CHIA: variants seen among roughly 807,000 people sequenced by gnomAD.
The protein encoded by CHIA is chitinase acidic.
A neutral mutation model predicts 53.5 loss-of-function variants in CHIA; 47 were observed. The observed-to-expected ratio is 0.88, with a 90% CI of 0.70 to 1.12. The LOEUF (loss-of-function observed/expected upper bound fraction) is 1.12. Ranked by LOEUF, CHIA falls within the 50% of genes most tolerant of loss-of-function variation. CHIA has a pLI of 0.00. For missense variants in CHIA, 652 were observed against 592.2 expected (o/e 1.10, Z -1.05); for synonymous variants, 268 against 222.2 (o/e 1.21, Z -1.83).
At chr1:111,301,036 T>C (rs1459566880) in intron 1 of CHIA, among the ~76,000 whole-genome samples, 2 of 152,124 alleles carry the variant, frequency 1.3e-5, no homozygotes, top group African/African-American at 4.8e-5. Flanking sequence ...TGAGATACTA[T>C]CTCATGCCAG....
At chr1:111,311,402 A>C (rs1363151909) in intron 2 of CHIA, among the ~76,000 whole-genome samples, 1 of 152,222 alleles carries the variant, frequency 6.6e-6, no homozygotes, top group Non-Finnish European at 1.5e-5. Flanking sequence ...TCAGTTGGTG[A>C]TTTCAGTAAG....
chr1:111,294,252 A>G lies in CHIA; in HGVS notation c.-69+3302A>G, dbSNP rs191788862. Among the ~76,000 whole-genome samples, 149 of 152,298 alleles carry G rather than the reference A, an allele frequency of 9.8e-4. 1 individual carries two copies. The highest frequency in any genetic ancestry group is 1.8e-4 in the Non-Finnish European group (12 of 68,022). On this transcript the variant is annotated intron_variant, in intron 1 of 11. Transcript: ENST00000369740. ...TTTCTTTATTTGAACAGCAGGCTAT[A>G]GTTTTCATTGTACAAGTCTTTCACT...
At position 111,320,286 on chromosome 1, in the gene CHIA, T is replaced by A. The variant is rs1649552387; in HGVS notation, c.1251T>A (p.Ser417Arg). ...APSGSGNGSG[S>R]SSSGGSSGGS... is the part of the protein sequence containing the mutation. ...GTGGCAGCGGGAACGGGAGCGGGAGTAGCAGCTCTGGAGGCAGCTCGGGAG... is the reference window on the plus strand; with the variant it reads ...GTGGCAGCGGGAACGGGAGCGGGAGAAGCAGCTCTGGAGGCAGCTCGGGAG... The change falls in exon 12 of 12, where the codon AGT (serine) becomes AGA (arginine). Residue 417 changes from serine to arginine, a missense_variant. Physicochemically the swap from Ser to Arg is moderately radical, Grantham distance 110. Coordinates refer to ENST00000369740, the MANE Select transcript of CHIA (RefSeq NM_201653.4). 2.5e-6 allele frequency: 4 copies of A among 1,613,900 alleles called. No homozygotes were observed. Among genetic ancestry groups the A allele is most frequent in the African/African-American group, 1.3e-5 (1 of 74,910 alleles).
chr1:111,304,093 G>T (rs1190654346), intron 1 of CHIA, among the ~76,000 whole-genome samples: 1 of 152,142 alleles, frequency 6.6e-6, no homozygotes, highest in Non-Finnish European at 1.5e-5. Flanking sequence ...TTTCTGATGA[G>T]AGATCTGCTG....
intron 1 of CHIA, among the ~76,000 whole-genome samples, chr1:111,300,628 C>T (rs577005052): frequency 6.6e-6 from 1 of 152,024 alleles, no homozygotes; most frequent in African/African-American, 2.4e-5. Flanking sequence ...CCATAAAAAC[C>T]CTAGAGGAAA....
rs893823177 is a variant in CHIA at position 111,317,699 on chromosome 1, G to C, written c.499G>C (p.Glu167Gln). The change falls in exon 7 of 12, where the codon GAG becomes CAG. Residue 167 changes from glutamate (E) to glutamine (Q), a missense_variant. Glu to Gln is a conservative substitution (Grantham distance 29). Transcript: ENST00000369740. ...VLVQEMREAFEQEAKQINKPR... is the reference protein window; with the variant it reads ...VLVQEMREAFQQEAKQINKPR... The stretch of plus-strand genomic sequence containing the variant: ...TCTGTAGGAAATGCGTGAAGCTTTT[G>C]AGCAGGAGGCCAAGCAGATCAACAA... 7.4e-6 allele frequency: 12 copies of C among 1,614,008 alleles called. No individual in the cohort carries two copies. Among genetic ancestry groups the C allele is most frequent in the Non-Finnish European group, 1.0e-5 (12 of 1,180,016 alleles).
At chr1:111,306,324 G>C (rs773210352) in intron 1 of CHIA, among the ~76,000 whole-genome samples, 1 of 152,178 alleles carries the variant, frequency 6.6e-6, no homozygotes, top group Non-Finnish European at 1.5e-5. Context: ...ACAGGTCTGA[G>C]GAGTGGTAGA....
In CHIA at chr1:111,312,337, C is replaced by T. The variant is rs1209442186; in HGVS notation, c.203C>T (p.Thr68Ile). The T allele has an allele frequency of 6.2e-7, 1 of 1,614,002 alleles. No individual in the cohort carries two copies. Among genetic ancestry groups the T allele is most frequent in the African/African-American group, 1.3e-5 (1 of 74,914 alleles). The change falls in exon 4 of 12, where the codon ACC becomes ATC. Residue 68 changes from threonine to isoleucine, a missense_variant. Coordinates refer to ENST00000369740, the MANE Select transcript of CHIA (RefSeq NM_201653.4). ...GGGAGGCAGAACAACGAGATCACCACCATCGAATGGAATGATGTGACTCTC... is the reference window on the plus strand; with the variant it reads ...GGGAGGCAGAACAACGAGATCACCATCATCGAATGGAATGATGTGACTCTC... ...FAGRQNNEITTIEWNDVTLYQ... is the reference protein window; with the variant it reads ...FAGRQNNEITIIEWNDVTLYQ...
rs942754185 is a variant in CHIA at position 111,310,503 on chromosome 1, A to T, written c.25+11A>T. The stretch of plus-strand genomic sequence containing the variant: ...TTATTCTCCTCACAGGTGGGTTTGT[A>T]ATCAGAGATTGACCCTTCATCTTAT... On this transcript the variant is annotated intron_variant, in intron 2 of 11. Transcript: ENST00000369740. 22 of 1,614,074 alleles carry T rather than the reference A, an allele frequency of 1.4e-5. No homozygotes were observed. The Admixed American group carries it at 1.8e-4, about 13-fold the overall frequency.
intron 5 of CHIA, chr1:111,314,808 G>A (rs369403931): frequency 3.8e-6 from 2 of 525,466 alleles, no homozygotes; most frequent in South Asian, 2.7e-5. Context: ...ACATTTGGGG[G>A]CCCTATCCAC....
chr1:111,296,939 A>C (rs1241989223), intron 1 of CHIA, among the ~76,000 whole-genome samples: 1 of 152,236 alleles, frequency 6.6e-6, no homozygotes, highest in Non-Finnish European at 1.5e-5. Context: ...CACAAGCTTC[A>C]GTAGCTGATT....
rs188718187 is a variant in CHIA at position 111,314,924 on chromosome 1, G to A, written c.314+328G>A. ...TGCTTCCCTCTATTTATCTTCTGGT[G>A]GGGGGAGGAATGAGAAAATCACACA... On this transcript the variant is annotated intron_variant, in intron 5 of 11. Transcript: ENST00000369740. 9 of 378,250 alleles carry A rather than the reference G, an allele frequency of 2.4e-5. No homozygotes were observed. In the South Asian group the frequency reaches 2.4e-4, roughly 10 times the overall value. 23.4% of individuals were successfully genotyped at this position (378,250 alleles called of 1,614,324 possible). A position where few individuals can be genotyped will look rare whatever the true frequency, so the allele number is the denominator to read the frequency against.
At chr1:111,311,751 T>C (rs750360860) in intron 3 of CHIA, 33 bp downstream of exon 3, 2 of 1,604,872 alleles carry the variant, frequency 1.2e-6, no homozygotes, top group Non-Finnish European at 1.7e-6. Context: ...TATCATTGAA[T>C]GTATATATAC....
At chr1:111,316,049 C>G (rs114940477) in intron 6 of CHIA, 6 of 310,196 alleles carry the variant, frequency 1.9e-5, no homozygotes, top group African/African-American at 4.4e-5. Context: ...AAGAGGGTAA[C>G]TAATTCTGCT....
intron 1 of CHIA, among the ~76,000 whole-genome samples, chr1:111,295,344 T>A (rs1661274177): frequency 6.6e-6 from 1 of 152,166 alleles, no homozygotes; most frequent in African/African-American, 2.4e-5. Flanking sequence ...TCATGCCCAG[T>A]GTAAGATTTT....
intron 1 of CHIA, among the ~76,000 whole-genome samples, chr1:111,295,636 T>A (rs747177180): frequency 2.7e-5 from 4 of 148,304 alleles, no homozygotes; most frequent in African/African-American, 9.9e-5. Flanking sequence ...GTTCATCTCA[T>A]TGGGACTGGT....
chr1:111,291,191 A>G (rs777727589), intron 1 of CHIA, among the ~76,000 whole-genome samples: 3 of 152,178 alleles, frequency 2.0e-5, no homozygotes, highest in Non-Finnish European at 2.9e-5. Context: ...AAATCATTCT[A>G]CTATAAAGAC....
chr1:111,318,603 A>T lies in CHIA; in HGVS notation c.840A>T (p.Gly280=), dbSNP rs748278268. Residue 280 remains glycine (G), a synonymous_variant, in exon 9 of 12, where the codon GGA becomes GGT. Transcript: ENST00000369740. ...NFILSNPSNT[G]IGAPTSGAGP... is the part of the protein sequence containing the mutation. ...TCCTGAGCAACCCCTCCAACACTGGAATTGGTGCCCCCACCTCTGGTGCTG... is the reference window on the plus strand; with the variant it reads ...TCCTGAGCAACCCCTCCAACACTGGTATTGGTGCCCCCACCTCTGGTGCTG... 1.3e-5 allele frequency: 21 copies of T among 1,614,044 alleles called. No homozygotes were observed. Among genetic ancestry groups the T allele is most frequent in the Middle Eastern group, 1.6e-4 (1 of 6,084 alleles).
chr1:111,310,988 GT>G (rs1398903093), intron 2 of CHIA, among the ~76,000 whole-genome samples: 1 of 152,154 alleles, frequency 6.6e-6, no homozygotes, highest in Admixed American at 6.5e-5. Context: ...AGTTGATGAT[GT>G]ACCATAAACA....
Sources: allele counts gnomAD v4.1 joint callset (sites outside exome capture counted in the v4.1 genomes callset), GRCh38; gene constraint gnomAD v4.1.1; transcripts MANE v1.5; gene names NCBI Gene and HGNC (gene_info 2026-07-23, HGNC 2026-07-21).